TAF1L: variants seen among roughly 807,000 people sequenced by gnomAD.
TAF1L encodes transcription initiation factor TFIID subunit 1-like.
TAF1L carries 30 observed loss-of-function variants against 128.8 expected under a neutral mutation model. The ratio of observed to expected loss-of-function variants is 0.23; its 90% CI spans 0.17 to 0.32. The LOEUF (loss-of-function observed/expected upper bound fraction) is 0.32. Among genes scored for constraint, TAF1L ranks in the 10% least tolerant of loss-of-function variants. TAF1L has a pLI of 1.00. For missense variants in TAF1L, 2,099 were observed against 2,253.7 expected (o/e 0.93, Z 1.39); for synonymous variants, 764 against 790.7 (o/e 0.97, Z 0.57).
rs1303954304 is a variant in TAF1L at position 32,631,214 on chromosome 9, A to C, written c.4366T>G (p.Cys1456Gly). 5 of 1,614,200 alleles carry C rather than the reference A, an allele frequency of 3.1e-6. No individual in the cohort carries two copies. Among genetic ancestry groups the C allele is most frequent in the Admixed American group, 3.3e-5 (2 of 60,026 alleles). ...LQTLRENVRK[C>G]LYPSREEFRE... Reference sequence around the variant, plus strand: ...AACTCTTCCCGAGATGGGTAGAGGCATTTACGCACATTTTCACGGAGTGTT... The same window carrying C: ...AACTCTTCCCGAGATGGGTAGAGGCCTTTACGCACATTTTCACGGAGTGTT... The change falls in exon 1 of 1, where the codon TGC becomes GGC. Residue 1456 changes from cysteine (C) to glycine (G), a missense_variant. Cys to Gly is a radical substitution (Grantham distance 159, BLOSUM62 -3). Coordinates refer to ENST00000242310, the MANE Select transcript of TAF1L (RefSeq NM_153809.2). The surrounding 1 kb of genome is among the most constrained non-coding windows in gnomAD (Gnocchi z 4.1).
chr9:32,632,850 C>G lies in TAF1L; in HGVS notation c.2730G>C (p.Met910Ile). ...CCTTCAGTCGTTGCTTTGCAGCTAT[C>G]ATGCTATAATAAGCACAGCACTGCT... ...SPEQCCAYYS[M>I]IAAKQRLKDA... Residue 910 changes from methionine to isoleucine, a missense_variant, in exon 1 of 1, where the codon ATG becomes ATC. Transcript: ENST00000242310. This position sits in a 1 kb window ranked among gnomAD's most constrained non-coding sequence, Gnocchi z 4.4. The G allele has an allele frequency of 6.2e-7, 1 of 1,614,230 alleles. No individual in the cohort carries two copies. Among genetic ancestry groups the G allele is most frequent in the Non-Finnish European group, 8.5e-7 (1 of 1,180,046 alleles).
In TAF1L at chr9:32,635,602, C is replaced by A; in HGVS notation, c.-23G>T. On this transcript the variant is annotated 5_prime_UTR_variant, in exon 1 of 1. Transcript: ENST00000242310. ...CATAAACCGGAAATAAAACAACAGTCGCCCGGAAGTGATCTACTTAGCTCC... is the reference window on the plus strand; with the variant it reads ...CATAAACCGGAAATAAAACAACAGTAGCCCGGAAGTGATCTACTTAGCTCC... 1 of 1,589,978 alleles carries A rather than the reference C, an allele frequency of 6.3e-7. No homozygotes were observed. Among genetic ancestry groups the A allele is most frequent in the Non-Finnish European group, 8.6e-7 (1 of 1,168,108 alleles).
Position 32,633,211 on chromosome 9 carries a change from T to C in TAF1L, c.2369A>G (p.Tyr790Cys), listed in dbSNP as rs1822539622. 1.2e-6 allele frequency: 2 copies of C among 1,614,076 alleles called. No homozygotes were observed. The highest frequency in any genetic ancestry group is 1.3e-5 in the African/African-American group (1 of 74,916). ...AATATCCACTAATTCCCGAATATAGTAACCCTGTCTTGTCCGAATGATCAG... is the reference window on the plus strand; with the variant it reads ...AATATCCACTAATTCCCGAATATAGCAACCCTGTCTTGTCCGAATGATCAG... ...DFLIIRTRQG[Y>C]YIRELVDIFV... Residue 790 changes from tyrosine (Y) to cysteine (C), a missense_variant, in exon 1 of 1, where the codon TAC (tyrosine) becomes TGC (cysteine). Physicochemically the swap from Tyr to Cys is radical, Grantham distance 194 (BLOSUM62 -2). This residue lies in a region of TAF1L where 1,213 missense variants were observed against 1,391.4 expected (regional missense o/e 0.87). Coordinates refer to ENST00000242310, the MANE Select transcript of TAF1L (RefSeq NM_153809.2).
chr9:32,635,335 G>A lies in TAF1L; in HGVS notation c.245C>T (p.Ala82Val). 1 of 1,614,068 alleles carries A rather than the reference G, an allele frequency of 6.2e-7. No individual in the cohort carries two copies. Among genetic ancestry groups the A allele is most frequent in the Non-Finnish European group, 8.5e-7 (1 of 1,180,016 alleles). The change falls in exon 1 of 1, where the codon GCA (alanine) becomes GTA (valine). Residue 82 changes from alanine (A) to valine (V), a missense_variant. Physicochemically the swap from Ala to Val is moderately conservative, Grantham distance 64 (BLOSUM62 0). Coordinates refer to ENST00000242310, the MANE Select transcript of TAF1L (RefSeq NM_153809.2). ...GLGSLITELTANEELTGTGGA... is the reference protein window; with the variant it reads ...GLGSLITELTVNEELTGTGGA... Reference sequence around the variant, plus strand: ...GCCAGTCCCAGTCAATTCTTCATTTGCCGTGAGTTCAGTGATTAGGCTGCC... The same window carrying A: ...GCCAGTCCCAGTCAATTCTTCATTTACCGTGAGTTCAGTGATTAGGCTGCC...
rs1054727721 is a variant in TAF1L at position 32,630,919 on chromosome 9, T to C, written c.4661A>G (p.Lys1554Arg). The change falls in exon 1 of 1, where the codon AAG becomes AGG. Residue 1554 changes from lysine to arginine, a missense_variant. By Grantham distance (26) the Lys-to-Arg change is conservative (BLOSUM62 2). Transcript: ENST00000242310. ...SWPFHHPVNK[K>R]FVPDYYKMIV... ...CATTTTGTAATAATCTGGAACAAAC[T>C]TCTTATTAACTGGGTGATGAAATGG... 1.2e-6 allele frequency: 2 copies of C among 1,614,194 alleles called. No individual in the cohort carries two copies. Among genetic ancestry groups the C allele is most frequent in the Non-Finnish European group, 1.7e-6 (2 of 1,180,024 alleles).
chr9:32,630,499 T>A lies in TAF1L; in HGVS notation c.5081A>T (p.Asp1694Val). 6.2e-7 allele frequency: 1 copy of A among 1,614,152 alleles called. No individual in the cohort carries two copies. ...TTTTTCTGGAGTGGCAGTGGAAATA[T>A]CCAAGACAGACAAATTGCTCTCATC... The part of the protein sequence containing the change: ...FQDESNLSVL[D>V]ISTATPEKQM... The change falls in exon 1 of 1, where the codon GAT becomes GTT. Residue 1694 changes from aspartate to valine, a missense_variant. Physicochemically the swap from Asp to Val is radical, Grantham distance 152 (BLOSUM62 -3). This residue lies in a region of TAF1L where 404 missense variants were observed against 406.5 expected (regional missense o/e 0.99). Transcript: ENST00000242310.
rs944513264 is a variant in TAF1L at position 32,634,165 on chromosome 9, C to T, written c.1415G>A (p.Gly472Asp). The change falls in exon 1 of 1, where the codon GGT becomes GAT. Residue 472 changes from glycine (G) to aspartate (D), a missense_variant. Transcript: ENST00000242310. ...GTCATCATCCAGAGTGGGTGCAAAA[C>T]CTTGCTGAACATTGTAAGCCATTAC... ...RNVMAYNVQQ[G>D]FAPTLDDDKP... is the part of the protein sequence containing the mutation. 1.2e-6 allele frequency: 2 copies of T among 1,614,138 alleles called. No individual in the cohort carries two copies.
At position 32,632,975 on chromosome 9, in the gene TAF1L, C is replaced by T. The variant is rs1192791006; in HGVS notation, c.2605G>A (p.Ala869Thr). The T allele has an allele frequency of 3.7e-6, 6 of 1,614,068 alleles. No individual in the cohort carries two copies. Among genetic ancestry groups the T allele is most frequent in the African/African-American group, 2.7e-5 (2 of 74,916 alleles). The change falls in exon 1 of 1, where the codon GCT (alanine) becomes ACT (threonine). Residue 869 changes from alanine to threonine, a missense_variant. Ala to Thr is a moderately conservative substitution (Grantham distance 58). Transcript: ENST00000242310. This position sits in a 1 kb window ranked among gnomAD's most constrained non-coding sequence, Gnocchi z 4.4. ...SSIRKRLKLC[A>T]DFKRTGMDSN... ...TCCATCCCTGTGCGTTTGAAGTCAGCGCAGAGCTTTAGCCTCTTCCGGATG... is the reference window on the plus strand; with the variant it reads ...TCCATCCCTGTGCGTTTGAAGTCAGTGCAGAGCTTTAGCCTCTTCCGGATG...
Position 32,633,884 on chromosome 9 carries a change from C to CA in TAF1L, c.1695dup (p.Val566CysfsTer24). ...TTCTGCTGTGGTTCCTCCCTGATGA[C>CA]ACCTGTTTTGCCCAAGAGAATTCGA... On this transcript the variant is annotated frameshift_variant, in exon 1 of 1. Coordinates refer to ENST00000242310, the MANE Select transcript of TAF1L (RefSeq NM_153809.2). LOFTEE classifies it high-confidence loss of function. 6.2e-7 allele frequency: 1 copy of CA among 1,614,190 alleles called. No individual in the cohort carries two copies. Among genetic ancestry groups the CA allele is most frequent in the Non-Finnish European group, 8.5e-7 (1 of 1,180,040 alleles).
chr9:32,632,666 C>A lies in TAF1L; in HGVS notation c.2914G>T (p.Val972Leu), dbSNP rs55906071. Reference sequence around the variant, plus strand: ...TCACCACACCCTGTGGGATCTGCCACCCCAGTCACCTCTAGGAGACACTTG... The same window carrying A: ...TCACCACACCCTGTGGGATCTGCCAACCCAGTCACCTCTAGGAGACACTTG... ...KGKCLLEVTG[V>L]ADPTGCGEGF... The change falls in exon 1 of 1, where the codon GTG becomes TTG. Residue 972 changes from valine to leucine, a missense_variant. By Grantham distance (32) the Val-to-Leu change is conservative (BLOSUM62 1). Coordinates refer to ENST00000242310, the MANE Select transcript of TAF1L (RefSeq NM_153809.2). This position sits in a 1 kb window ranked among gnomAD's most constrained non-coding sequence, Gnocchi z 4.4. 914 of 1,614,204 alleles carry A rather than the reference C, an allele frequency of 5.7e-4. 8 individuals are homozygous for A. The highest frequency in any genetic ancestry group is 5.4e-3 in the South Asian group (489 of 91,088).
rs753242674 is a variant in TAF1L, at chr9:32,635,024, AGAT to A, written c.553_555del (p.Ile185del). ...AAGGAAGGGGCAATGATGGAGGGCAAGATGATGTCTTCTCCACTTTCAGACACA... is the reference window on the plus strand; with the variant it reads ...AAGGAAGGGGCAATGATGGAGGGCAAGATGTCTTCTCCACTTTCAGACACA... On this transcript the variant is annotated inframe_deletion, in exon 1 of 1. Coordinates refer to ENST00000242310, the MANE Select transcript of TAF1L (RefSeq NM_153809.2). The A allele has an allele frequency of 1.2e-6, 2 of 1,614,146 alleles. No individual in the cohort carries two copies. The highest frequency in any genetic ancestry group is 1.7e-6 in the Non-Finnish European group (2 of 1,180,032).
Position 32,634,907 on chromosome 9 carries a change from C to T in TAF1L, c.673G>A (p.Gly225Arg), listed in dbSNP as rs988029977. Reference sequence around the variant, plus strand: ...CCAGCCAATGGAAGGGTCAGCTTTCCATCCTCAGATTCTGCCTGTGTTGCT... The same window carrying T: ...CCAGCCAATGGAAGGGTCAGCTTTCTATCCTCAGATTCTGCCTGTGTTGCT... Reference protein sequence around the residue: ...QEATQAESEDGKLTLPLAGIM... With the variant: ...QEATQAESEDRKLTLPLAGIM... Residue 225 changes from glycine (G) to arginine (R), a missense_variant, in exon 1 of 1, where the codon GGA becomes AGA. Coordinates refer to ENST00000242310, the MANE Select transcript of TAF1L (RefSeq NM_153809.2). 3.7e-6 allele frequency: 6 copies of T among 1,614,080 alleles called. No homozygotes were observed. Among genetic ancestry groups the T allele is most frequent in the African/African-American group, 1.3e-5 (1 of 74,920 alleles).
In TAF1L at chr9:32,634,776, C is replaced by T; in HGVS notation, c.804G>A (p.Gly268=). Residue 268 remains glycine (G), a synonymous_variant, in exon 1 of 1, where the codon GGG becomes GGA. Transcript: ENST00000242310. ...VLRFLHLFGP[G]KNVPSVWRSA... is the part of the protein sequence containing the mutation. ...TCCGCCAAACAGATGGGACATTCTT[C>T]CCTGGTCCAAAAAGATGTAGGAAGC... 1.9e-6 allele frequency: 3 copies of T among 1,614,208 alleles called. No homozygotes were observed. The highest frequency in any genetic ancestry group is 2.5e-6 in the Non-Finnish European group (3 of 1,180,028).
At position 32,633,530 on chromosome 9, in the gene TAF1L, T is replaced by A. The variant is rs776644970; in HGVS notation, c.2050A>T (p.Met684Leu). 1 of 1,614,180 alleles carries A rather than the reference T, an allele frequency of 6.2e-7. No individual in the cohort carries two copies. The highest frequency in any genetic ancestry group is 8.5e-7 in the Non-Finnish European group (1 of 1,180,040). ...QASGGGELFF[M>L]RTPQDLTGKD... ...CCTGTGAGATCCTGAGGTGTGCGCA[T>A]AAAAAACAACTCTCCACCACCTGAG... is the stretch of plus-strand genomic sequence containing the variant. The change falls in exon 1 of 1, where the codon ATG becomes TTG. Residue 684 changes from methionine to leucine, a missense_variant. Coordinates refer to ENST00000242310, the MANE Select transcript of TAF1L (RefSeq NM_153809.2).
chr9:32,633,862 T>C lies in TAF1L; in HGVS notation c.1718A>G (p.Gln573Arg). ...TTTCACTTCTGGCTGAGACATGTTC[T>C]GCTGTGGTTCCTCCCTGATGACACC... ...KTGVIREEPQ[Q>R]NMSQPEVKDP... Residue 573 changes from glutamine to arginine, a missense_variant, in exon 1 of 1, where the codon CAG (glutamine) becomes CGG (arginine). Physicochemically the swap from Gln to Arg is conservative, Grantham distance 43. This residue lies in a region of TAF1L where 1,213 missense variants were observed against 1,391.4 expected (regional missense o/e 0.87). Transcript: ENST00000242310. 1 of 1,614,272 alleles carries C rather than the reference T, an allele frequency of 6.2e-7. No individual in the cohort carries two copies. Among genetic ancestry groups the C allele is most frequent in the Middle Eastern group, 1.6e-4 (1 of 6,062 alleles).
rs1390800225 is a variant in TAF1L at position 32,633,188 on chromosome 9, T to C, written c.2392A>G (p.Ile798Val). 6.2e-7 allele frequency: 1 copy of C among 1,614,136 alleles called. No homozygotes were observed. Among genetic ancestry groups the C allele is most frequent in the South Asian group, 1.1e-5 (1 of 91,084 alleles). The part of the protein sequence containing the change: ...QGYYIRELVD[I>V]FVVGQQCPLF... ...GGACACTGCTGGCCAACCACAAAAA[T>C]ATCCACTAATTCCCGAATATAGTAA... Residue 798 changes from isoleucine to valine, a missense_variant, in exon 1 of 1, where the codon ATT becomes GTT. By Grantham distance (29) the Ile-to-Val change is conservative. This residue lies in a region of TAF1L where 1,213 missense variants were observed against 1,391.4 expected (regional missense o/e 0.87). Coordinates refer to ENST00000242310, the MANE Select transcript of TAF1L (RefSeq NM_153809.2).
rs1410923132 is a variant in TAF1L, at chr9:32,633,090, A to C, written c.2490T>G (p.Ile830Met). The part of the protein sequence containing the change: ...MHIRDFLQVF[I>M]YRLFWKSKDR... ...CTTTACTCTTCCAGAAAAGGCGGTA[A>C]ATAAAAACCTGTAGAAAGTCTCGAA... The change falls in exon 1 of 1, where the codon ATT becomes ATG. Residue 830 changes from isoleucine (I) to methionine (M), a missense_variant. By Grantham distance (10) the Ile-to-Met change is conservative (BLOSUM62 1). Around this residue, in one of 4 missense-constraint regions of TAF1L, gnomAD observed 1,213 missense variants for 1,391.4 expected, o/e 0.87. Transcript: ENST00000242310. The C allele has an allele frequency of 1.2e-6, 2 of 1,614,192 alleles. No homozygotes were observed. The highest frequency in any genetic ancestry group is 1.7e-6 in the Non-Finnish European group (2 of 1,180,034).
rs1022743232 is a variant in TAF1L at position 32,633,908 on chromosome 9, G to A, written c.1672C>T (p.Arg558Ter). 6.2e-7 allele frequency: 1 copy of A among 1,614,162 alleles called. No homozygotes were observed. The highest frequency in any genetic ancestry group is 8.5e-7 in the Non-Finnish European group (1 of 1,180,032). ...SKKESSLKKSRILLGKTGVIR... is the reference protein window; with the variant it reads ...SKKESSLKKS ...ACACCTGTTTTGCCCAAGAGAATTC[G>A]ACTCTTCTTCAGAGATGATTCCTTC... Residue 558 changes from arginine to a stop codon, truncating the protein, a stop_gained, in exon 1 of 1, where the codon CGA becomes TGA. Coordinates refer to ENST00000242310, the MANE Select transcript of TAF1L (RefSeq NM_153809.2). LOFTEE classifies it high-confidence loss of function.
rs568514525 is a variant in TAF1L, at chr9:32,630,910, G to A, written c.4670C>T (p.Pro1557Leu). 5 of 1,614,142 alleles carry A rather than the reference G, an allele frequency of 3.1e-6. No homozygotes were observed. The Admixed American group carries it at 8.3e-5, about 27-fold the overall frequency. Residue 1557 changes from proline to leucine, a missense_variant, in exon 1 of 1, where the codon CCA (proline) becomes CTA (leucine). Transcript: ENST00000242310. ...FHHPVNKKFV[P>L]DYYKMIVNPV... Reference sequence around the variant, plus strand: ...ATTGACAATCATTTTGTAATAATCTGGAACAAACTTCTTATTAACTGGGTG... The same window carrying A: ...ATTGACAATCATTTTGTAATAATCTAGAACAAACTTCTTATTAACTGGGTG...
Sources: allele counts gnomAD v4.1 joint callset, GRCh38; gene constraint gnomAD v4.1.1; regional missense constraint gnomAD v4.1.1; non-coding constraint Gnocchi (gnomAD v3.1); transcripts MANE v1.5; gene names NCBI Gene and HGNC (gene_info 2026-07-23, HGNC 2026-07-21).